The following ATP6V0A4 variants were observed in gnomAD, a reference collection of about 807,000 sequenced individuals.
ATP6V0A4 encodes the protein ATPase H+ transporting V0 subunit a4, also known as V-type proton ATPase 116 kDa subunit a 4.
Under a neutral mutation model 107.3 loss-of-function variants are expected in ATP6V0A4, and 86 were observed. The observed-to-expected ratio is 0.80, with a 90% CI of 0.67 to 0.96. The LOEUF (loss-of-function observed/expected upper bound fraction) is 0.96, where lower values mean the gene tolerates loss of function less well. Among genes scored for constraint, ATP6V0A4 ranks in the 40% least tolerant of loss-of-function variants. The pLI is 0.00. For missense variants in ATP6V0A4, 908 were observed against 1,045.6 expected, an observed-to-expected ratio of 0.87 and a Z score of 1.81; for synonymous variants, 353 against 381.4, an observed-to-expected ratio of 0.93 and a Z score of 0.87.
At chr7:138,736,349 C>T (rs1033739498) in intron 15 of ATP6V0A4, among the ~76,000 whole-genome samples, 2 of 152,104 alleles carry the variant, frequency 1.3e-5, no homozygotes, top group African/African-American at 2.4e-5. Flanking sequence ...CTACTGAAAA[C>T]TCTATGAGAT....
At chr7:138,749,582 C>A (rs575384454) in intron 11 of ATP6V0A4, among the ~76,000 whole-genome samples, 1 of 152,186 alleles carries the variant, frequency 6.6e-6, no homozygotes, top group African/African-American at 2.4e-5. Context: ...GCTGTAAATG[C>A]GAATGTTATG....
intron 17 of ATP6V0A4, among the ~76,000 whole-genome samples, chr7:138,732,245 A>G (rs549377072): frequency 3.9e-5 from 6 of 152,204 alleles, no homozygotes; most frequent in Non-Finnish European, 8.8e-5. Flanking sequence ...AGAACATTCT[A>G]CAGCTGCAAG....
intron 19 of ATP6V0A4, among the ~76,000 whole-genome samples, chr7:138,719,811 G>C (rs1757792733): frequency 6.6e-6 from 1 of 152,184 alleles, no homozygotes; most frequent in African/African-American, 2.4e-5. Context: ...CCTGAGGTCA[G>C]GAGTTAAAGG....
intron 2 of ATP6V0A4, among the ~76,000 whole-genome samples, chr7:138,772,898 C>G (rs866898034): frequency 3.3e-5 from 5 of 152,230 alleles, no homozygotes; most frequent in Middle Eastern, 3.4e-3. Flanking sequence ...GGGAAGGACA[C>G]CTCCCAGGGG....
At chr7:138,708,315 G>GGA (rs1417081142) in intron 21 of ATP6V0A4, among the ~76,000 whole-genome samples, 1 of 152,080 alleles carries the variant, frequency 6.6e-6, no homozygotes, top group Non-Finnish European at 1.5e-5. Flanking sequence ...CAAAGTGCTG[G>GGA]GATTACAGGC....
chr7:138,711,909 T>TC (rs899360150), intron 20 of ATP6V0A4, among the ~76,000 whole-genome samples: 1 of 152,206 alleles, frequency 6.6e-6, no homozygotes, highest in Admixed American at 6.5e-5. Context: ...GAAGTGGCTA[T>TC]CCCATGACTG....
chr7:138,706,547 G>T lies in ATP6V0A4; in HGVS notation c.*77C>A. On this transcript the variant is annotated 3_prime_UTR_variant, in exon 22 of 22. Transcript: ENST00000310018. The stretch of plus-strand genomic sequence containing the variant: ...GAACAACCTTCCCATTGAGCGCCTT[G>T]CAGGGGCTGATATCAAAGACAAGAC... 1.9e-6 allele frequency: 3 copies of T among 1,547,024 alleles called. No homozygotes were observed. In the Admixed American group the frequency reaches 5.1e-5, roughly 26 times the overall value.
intron 5 of ATP6V0A4, among the ~76,000 whole-genome samples, chr7:138,766,373 T>C (rs940043150): frequency 1.3e-5 from 2 of 151,894 alleles, no homozygotes; most frequent in Admixed American, 1.3e-4. Flanking sequence ...CTGGCTAATA[T>C]TTTTGTATTT....
chr7:138,709,964 T>C, intron 20 of ATP6V0A4, 169 bp from the exon 21 acceptor site: 2 of 353,576 alleles, frequency 5.7e-6, no homozygotes, highest in Non-Finnish European at 7.9e-6. Context: ...TCCTCCTGTC[T>C]CAGCCTCCCA....
At chr7:138,743,978 T>C (rs1805773074) in intron 14 of ATP6V0A4, among the ~76,000 whole-genome samples, 1 of 152,086 alleles carries the variant, frequency 6.6e-6, no homozygotes, top group Non-Finnish European at 1.5e-5. Flanking sequence ...CCTCTCAAAC[T>C]CTAAAATCTT....
chr7:138,728,902 G>A, intron 17 of ATP6V0A4, 40 bp from the exon 18 acceptor site: 1 of 1,613,418 alleles, frequency 6.2e-7, no homozygotes, highest in Non-Finnish European at 8.5e-7. Context: ...ATTTTCACAT[G>A]GCAGAACAGC....
At chr7:138,733,758 A>G (rs1805157221) in intron 16 of ATP6V0A4, among the ~76,000 whole-genome samples, 1 of 151,848 alleles carries the variant, frequency 6.6e-6, no homozygotes, top group Non-Finnish European at 1.5e-5. Context: ...TTGTATTTTT[A>G]GTAGAGATGG....
intron 11 of ATP6V0A4, among the ~76,000 whole-genome samples, chr7:138,752,084 G>A (rs1806257666): frequency 2.0e-5 from 3 of 152,250 alleles, no homozygotes; most frequent in East Asian, 3.9e-4. Context: ...TTAATGCTCA[G>A]TATGGCCGGG....
At chr7:138,778,833 A>C (rs1261076413) in intron 2 of ATP6V0A4, among the ~76,000 whole-genome samples, 1 of 152,082 alleles carries the variant, frequency 6.6e-6, no homozygotes, top group African/African-American at 2.4e-5. Flanking sequence ...TGGGGGTGTC[A>C]GAAGAAACCT....
chr7:138,784,660 T>A (rs1446374703), intron 2 of ATP6V0A4, among the ~76,000 whole-genome samples: 1 of 152,104 alleles, frequency 6.6e-6, no homozygotes, highest in Non-Finnish European at 1.5e-5. Context: ...AACTCAAAAC[T>A]TTGAAGGAAA....
At chr7:138,778,786 C>G (rs1433728841) in intron 2 of ATP6V0A4, among the ~76,000 whole-genome samples, 1 of 152,106 alleles carries the variant, frequency 6.6e-6, no homozygotes, top group South Asian at 2.1e-4. Context: ...AATTCAGCCC[C>G]ACTCTGTGGT....
chr7:138,744,123 C>G (rs1194979397), intron 14 of ATP6V0A4, among the ~76,000 whole-genome samples: 1 of 152,234 alleles, frequency 6.6e-6, no homozygotes, highest in East Asian at 1.9e-4. Context: ...GCTTCCAGGT[C>G]TCTCTATTCT....
In ATP6V0A4 at chr7:138,732,890, A is replaced by G. The variant is rs774817040; in HGVS notation, c.1895T>C (p.Leu632Pro). 6.2e-7 allele frequency: 1 copy of G among 1,610,910 alleles called. No homozygotes were observed. Among genetic ancestry groups the G allele is most frequent in the Admixed American group, 1.7e-5 (1 of 59,698 alleles). The change falls in exon 17 of 22, where the codon CTC becomes CCC. Residue 632 changes from leucine (L) to proline (P), a missense_variant. Transcript: ENST00000310018. ...TAGCAGAAATACCTGATGTTTGTAG[A>G]GGGGTGCGTTGGAAGAGTCACTGTA... ...FNYSDSSNAP[L>P]YKHQQEVQSF...
intron 7 of ATP6V0A4, among the ~76,000 whole-genome samples, chr7:138,761,400 C>T (rs540420966): frequency 3.3e-5 from 5 of 151,804 alleles, no homozygotes; most frequent in East Asian, 2.0e-4. Flanking sequence ...TTTGGGAGGC[C>T]AAGGCAGGCG....
Sources: gnomAD v4.1 joint callset for allele counts (sites outside exome capture counted in the v4.1 genomes callset) on GRCh38, gnomAD v4.1.1 for gene constraint, MANE v1.5 for transcripts, NCBI Gene and HGNC (gene_info 2026-07-23, HGNC 2026-07-21) for gene names.